Variants in CNTNAP2 observed in about 807,000 individuals in gnomAD.
The protein encoded by CNTNAP2 is contactin-associated protein-like 2.
A neutral mutation model predicts 155.2 loss-of-function variants in CNTNAP2; 98 were observed. The ratio of observed to expected loss-of-function variants is 0.63; its 90% CI spans 0.54 to 0.75. The LOEUF (loss-of-function observed/expected upper bound fraction) is 0.75. Among genes scored for constraint, CNTNAP2 ranks in the 30% least tolerant of loss-of-function variants. CNTNAP2 has a pLI of 0.00. For synonymous variants in CNTNAP2, 651 were observed against 631.2 expected (o/e 1.03, Z -0.47); for missense variants, 1,727 against 1,688.1 (o/e 1.02, Z -0.40).
At chr7:147,753,299 A>G (rs925316166) in intron 13 of CNTNAP2, among the ~76,000 whole-genome samples, 2 of 152,188 alleles carry the variant, frequency 1.3e-5, no homozygotes, top group Admixed American at 1.3e-4. Context: ...ACCTGTCACT[A>G]TGCACAGCGC....
intron 14 of CNTNAP2, among the ~76,000 whole-genome samples, chr7:147,912,637 G>A (rs2116766068): frequency 6.6e-6 from 1 of 152,280 alleles, no homozygotes; most frequent in South Asian, 2.1e-4. Flanking sequence ...CAGGAGCCCA[G>A]CCCCTGAGAC....
In CNTNAP2 at chr7:146,791,027, C is replaced by A. The variant is rs189224238; in HGVS notation, c.208+16646C>A. 2.2e-3 allele frequency among the ~76,000 whole-genome samples: 338 copies of A among 152,088 alleles called. 2 individuals carry two copies. The highest frequency in any genetic ancestry group is 7.7e-3 in the African/African-American group (321 of 41,498). On this transcript the variant is annotated intron_variant, in intron 2 of 23. Coordinates refer to ENST00000361727, the MANE Select transcript of CNTNAP2 (RefSeq NM_014141.6). The stretch of plus-strand genomic sequence containing the variant: ...CGGTGGTTTGCTGCACCCATCAACC[C>A]GTTATCTACAATAGATGTTTCTCCT...
chr7:147,415,017 C>T (rs1309271959), intron 10 of CNTNAP2, among the ~76,000 whole-genome samples: 1 of 147,268 alleles, frequency 6.8e-6, no homozygotes, highest in Non-Finnish European at 1.5e-5. Context: ...GAAAACAGAA[C>T]CCAAAGAGGG....
intron 8 of CNTNAP2, among the ~76,000 whole-genome samples, chr7:147,176,595 T>C (rs1392634283): frequency 1.4e-5 from 2 of 145,858 alleles, no homozygotes; most frequent in African/African-American, 5.0e-5. Flanking sequence ...AGATTATATC[T>C]TATATACATA....
intron 4 of CNTNAP2, among the ~76,000 whole-genome samples, chr7:147,044,886 G>T (rs1799327519): frequency 6.6e-6 from 1 of 151,866 alleles, no homozygotes; most frequent in Non-Finnish European, 1.5e-5. Context: ...ATTTGTTTGG[G>T]CCAAGGTTGA....
intron 13 of CNTNAP2, among the ~76,000 whole-genome samples, chr7:147,732,827 G>A (rs971494014): frequency 2.6e-5 from 4 of 152,172 alleles, no homozygotes; most frequent in African/African-American, 9.7e-5. Context: ...CTGCATAAAT[G>A]TCTTCTTTTG....
chr7:147,275,746 T>C (rs1253650784), intron 8 of CNTNAP2, among the ~76,000 whole-genome samples: 1 of 152,074 alleles, frequency 6.6e-6, no homozygotes, highest in Non-Finnish European at 1.5e-5. Flanking sequence ...TGCTCTAGTT[T>C]CTTAGGGGAA....
chr7:146,480,285 G>T (rs530222759), intron 1 of CNTNAP2, among the ~76,000 whole-genome samples: 85 of 144,960 alleles, frequency 5.9e-4, no homozygotes, highest in African/African-American at 2.3e-3. Context: ...GAAATGATTG[G>T]ATGCCAGAAG....
intron 21 of CNTNAP2, among the ~76,000 whole-genome samples, chr7:148,353,616 GTTTCT>G (rs1255655078): frequency 6.6e-6 from 1 of 151,670 alleles, no homozygotes; most frequent in Admixed American, 6.6e-5. Context: ...TAGGGTGAAA[GTTTCT>G]TTTAAGTATT....
intron 11 of CNTNAP2, among the ~76,000 whole-genome samples, chr7:147,560,671 A>G (rs1562997361): frequency 6.6e-6 from 1 of 151,936 alleles, no homozygotes; most frequent in Non-Finnish European, 1.5e-5. Flanking sequence ...CGTGTTGTTC[A>G]CAGCTGTATC....
chr7:147,626,220 A>G lies in CNTNAP2; in HGVS notation c.1898-12886A>G, dbSNP rs563712569. The stretch of plus-strand genomic sequence containing the variant: ...GATTCGAGCACAGGAGCCGCAGCCA[A>G]TGGAGTGGGCAGATGCAAAGGAGCA... On this transcript the variant is annotated intron_variant, in intron 12 of 23. Transcript: ENST00000361727. Among the ~76,000 whole-genome samples, 8 of 152,054 alleles carry G rather than the reference A, an allele frequency of 5.3e-5. No individual in the cohort carries two copies. The South Asian group carries it at 1.4e-3, about 28-fold the overall frequency.
At chr7:147,794,508 T>C (rs1317408926) in intron 13 of CNTNAP2, among the ~76,000 whole-genome samples, 1 of 151,994 alleles carries the variant, frequency 6.6e-6, no homozygotes, top group Non-Finnish European at 1.5e-5. Context: ...TCATGAGATA[T>C]GATCCTTTTC....
chr7:146,161,257 A>G (rs1202017347), intron 1 of CNTNAP2, among the ~76,000 whole-genome samples: 3 of 152,236 alleles, frequency 2.0e-5, no homozygotes, highest in Non-Finnish European at 2.9e-5. Flanking sequence ...CTGAATGCGC[A>G]AAAACTTGAA....
rs202095023 is a variant in CNTNAP2 at position 148,147,641 on chromosome 7, C to T, written c.2705C>T (p.Pro902Leu). ...GCCAGCCTACAGGTGGACCGGCTAC[C>T]GCAGCAGATCCGCAAGGCCCCAACA... Reference protein sequence around the residue: ...KQASLQVDRLPQQIRKAPTEG... With the variant: ...KQASLQVDRLLQQIRKAPTEG... Residue 902 changes from proline to leucine, a missense_variant, in exon 17 of 24, where the codon CCG becomes CTG. Coordinates refer to ENST00000361727, the MANE Select transcript of CNTNAP2 (RefSeq NM_014141.6). The T allele has an allele frequency of 3.1e-4, 505 of 1,613,924 alleles. 1 individual carries two copies. Among genetic ancestry groups the T allele is most frequent in the Non-Finnish European group, 1.8e-4 (213 of 1,180,036 alleles).
At chr7:147,312,274 ATTATAC>A (rs1303107621) in intron 9 of CNTNAP2, among the ~76,000 whole-genome samples, 2 of 151,808 alleles carry the variant, frequency 1.3e-5, no homozygotes, top group African/African-American at 4.8e-5. Flanking sequence ...TTTTATTATT[ATTATAC>A]TTCAAGTTTT....
At chr7:148,328,286 G>A (rs1437677804) in intron 21 of CNTNAP2, among the ~76,000 whole-genome samples, 1 of 152,098 alleles carries the variant, frequency 6.6e-6, no homozygotes, top group African/African-American at 2.4e-5. Flanking sequence ...GCTGGAGGAG[G>A]GCTGCCTGAC....
intron 21 of CNTNAP2, among the ~76,000 whole-genome samples, chr7:148,270,947 G>A (rs1320411806): frequency 6.6e-6 from 1 of 152,206 alleles, no homozygotes; most frequent in African/African-American, 2.4e-5. Flanking sequence ...AGGGCAGAAG[G>A]CAGAGACTTT....
chr7:147,749,227 A>G (rs916254370), intron 13 of CNTNAP2, among the ~76,000 whole-genome samples: 1 of 152,216 alleles, frequency 6.6e-6, no homozygotes, highest in African/African-American at 2.4e-5. Context: ...TTCAGTATCT[A>G]TACTGTATTT....
intron 13 of CNTNAP2, among the ~76,000 whole-genome samples, chr7:147,872,606 A>C (rs1481449949): frequency 2.0e-5 from 3 of 152,216 alleles, no homozygotes; most frequent in Non-Finnish European, 4.4e-5. Context: ...TCTAGTTCAA[A>C]TTGCTCATTC....
Sources: allele counts gnomAD v4.1 joint callset (sites outside exome capture counted in the v4.1 genomes callset), GRCh38; gene constraint gnomAD v4.1.1; transcripts MANE v1.5; gene names NCBI Gene and HGNC (gene_info 2026-07-23, HGNC 2026-07-21).